NKAIN2: variants seen among roughly 807,000 people sequenced by gnomAD.
NKAIN2 encodes sodium/potassium transporting ATPase interacting 2, also known as sodium/potassium-transporting ATPase subunit beta-1-interacting protein 2.
In NKAIN2, 14 loss-of-function variants were observed where a neutral mutation model predicts 32.6. That is an observed-to-expected ratio of 0.43 (90% CI 0.28 to 0.67). The LOEUF (loss-of-function observed/expected upper bound fraction) is 0.67. Ranked by LOEUF, NKAIN2 falls within the 30% of genes least tolerant of loss-of-function variation. The probability of loss-of-function intolerance (pLI) is 0.17; values close to 1 mark genes in which losing one functional copy is unlikely to be tolerated. For missense variants in NKAIN2, 198 were observed against 258.3 expected (o/e 0.77, Z 1.60); for synonymous variants, 80 against 87.2 (o/e 0.92, Z 0.46).
intron 4 of NKAIN2, among the ~76,000 whole-genome samples, chr6:124,751,161 A>C (rs907846792): frequency 3.3e-5 from 5 of 152,040 alleles, no homozygotes; most frequent in Non-Finnish European, 7.4e-5. Context: ...GGAGCAAGGC[A>C]CCTAATGACG....
intron 1 of NKAIN2, among the ~76,000 whole-genome samples, chr6:123,816,317 C>T (rs940033081): frequency 6.6e-6 from 1 of 151,954 alleles, no homozygotes; most frequent in East Asian, 1.9e-4. Context: ...GTCTATAGGT[C>T]TCTGTAGATG....
chr6:124,795,448 CAG>C (rs1274092828), intron 5 of NKAIN2, among the ~76,000 whole-genome samples: 1 of 152,124 alleles, frequency 6.6e-6, no homozygotes, highest in Non-Finnish European at 1.5e-5. Context: ...ATCATTGAAA[CAG>C]AGAGTTAGGC....
Position 124,783,795 on chromosome 6 carries a change from A to G in NKAIN2, c.475-7544A>G, listed in dbSNP as rs1164503481. Among the ~76,000 whole-genome samples the G allele has an allele frequency of 2.6e-5, 4 of 152,230 alleles. No individual in the cohort carries two copies. In the South Asian group the frequency reaches 6.2e-4, roughly 24 times the overall value. ...AGATGGAATAAGATGAAAAAGAGCA[A>G]GTAAAAATCATCTGCAACTTAAAAT... On this transcript the variant is annotated intron_variant, in intron 4 of 6. Transcript: ENST00000368417.
At chr6:123,900,203 G>A (rs1274281963) in intron 1 of NKAIN2, among the ~76,000 whole-genome samples, 1 of 152,128 alleles carries the variant, frequency 6.6e-6, no homozygotes, top group Non-Finnish European at 1.5e-5. Context: ...TGGATGCGGT[G>A]GCTCATGTCT....
At chr6:124,773,916 T>C (rs1340068038) in intron 4 of NKAIN2, among the ~76,000 whole-genome samples, 1 of 152,072 alleles carries the variant, frequency 6.6e-6, no homozygotes, top group Non-Finnish European at 1.5e-5. Context: ...TTTCAAGTAA[T>C]AACAAGGAAG....
At chr6:124,670,244 GA>G (rs1447759261) in intron 4 of NKAIN2, among the ~76,000 whole-genome samples, 9 of 151,966 alleles carry the variant, frequency 5.9e-5, no homozygotes, top group Non-Finnish European at 8.8e-5. Context: ...CTATTCTCCA[GA>G]ATCTTGTTGA....
intron 1 of NKAIN2, among the ~76,000 whole-genome samples, chr6:123,846,867 A>C (rs189358573): frequency 1.7e-3 from 249 of 148,136 alleles, no homozygotes; most frequent in African/African-American, 5.6e-3. Flanking sequence ...CACACATAAC[A>C]CATGTCTCTT....
At chr6:123,919,255 A>G (rs1775635190) in intron 1 of NKAIN2, among the ~76,000 whole-genome samples, 1 of 152,220 alleles carries the variant, frequency 6.6e-6, no homozygotes, top group South Asian at 2.1e-4. Context: ...GCAGGATGTG[A>G]AAAGCAAGTG....
At chr6:123,852,932 A>T (rs1403310559) in intron 1 of NKAIN2, among the ~76,000 whole-genome samples, 1 of 152,212 alleles carries the variant, frequency 6.6e-6, no homozygotes, top group African/African-American at 2.4e-5. Context: ...ATGTGCTATT[A>T]TGTGGCATTA....
Position 124,166,087 on chromosome 6 carries a change from G to C in NKAIN2, c.55-116918G>C, listed in dbSNP as rs1174746459. ...TCTAGTTCTAGATCCCTGAGGAATC[G>C]CCACACTGACTTCCACAATGGTTGA... On this transcript the variant is annotated intron_variant, in intron 1 of 6. Coordinates refer to ENST00000368417, the MANE Select transcript of NKAIN2 (RefSeq NM_001040214.3). 3.4e-5 allele frequency among the ~76,000 whole-genome samples: 4 copies of C among 117,428 alleles called. No individual in the cohort carries two copies. In the Admixed American group the frequency reaches 3.6e-4, roughly 11 times the overall value. The allele number at this position is 117,428 out of a possible 152,430, so 77.0% of individuals were successfully genotyped here.
chr6:124,016,714 T>C (rs1780588983), intron 1 of NKAIN2, among the ~76,000 whole-genome samples: 1 of 152,170 alleles, frequency 6.6e-6, no homozygotes, highest in Non-Finnish European at 1.5e-5. Flanking sequence ...TAGTTTTAAA[T>C]CCTTCATAAA....
intron 3 of NKAIN2, among the ~76,000 whole-genome samples, chr6:124,614,040 C>G (rs185519334): frequency 6.6e-6 from 1 of 152,282 alleles, no homozygotes; most frequent in Admixed American, 6.5e-5. Context: ...TCCTACACCT[C>G]AAGAATTCAT....
At chr6:124,490,272 C>T in intron 3 of NKAIN2, 1 of 387,268 alleles carries the variant, frequency 2.6e-6, no homozygotes, top group Non-Finnish European at 5.0e-6. Flanking sequence ...GTTATCACCA[C>T]CAATTACAGA....
At chr6:124,689,490 T>C (rs961770131) in intron 4 of NKAIN2, among the ~76,000 whole-genome samples, 1 of 152,140 alleles carries the variant, frequency 6.6e-6, no homozygotes, top group Admixed American at 6.6e-5. Flanking sequence ...ATTCTTTCTT[T>C]CATAGATTGT....
intron 3 of NKAIN2, among the ~76,000 whole-genome samples, chr6:124,436,914 C>T (rs1436449089): frequency 6.6e-6 from 1 of 152,148 alleles, no homozygotes; most frequent in Non-Finnish European, 1.5e-5. Context: ...GGAGCTGCCT[C>T]CTCTCCCCAT....
At chr6:124,037,820 G>A (rs946504109) in intron 1 of NKAIN2, among the ~76,000 whole-genome samples, 5 of 152,106 alleles carry the variant, frequency 3.3e-5, no homozygotes, top group African/African-American at 1.2e-4. Flanking sequence ...AAATTCCATA[G>A]AATGATGGGA....
At chr6:124,053,453 G>T (rs1375568857) in intron 1 of NKAIN2, among the ~76,000 whole-genome samples, 1 of 151,994 alleles carries the variant, frequency 6.6e-6, no homozygotes, top group Admixed American at 6.6e-5. Context: ...TTAAACCTCG[G>T]CAACAGGCTG....
intron 1 of NKAIN2, among the ~76,000 whole-genome samples, chr6:124,006,998 G>T (rs1780105043): frequency 6.6e-6 from 1 of 152,126 alleles, no homozygotes. Context: ...TCTGAGAAAT[G>T]CATCCTTAAG....
intron 1 of NKAIN2, among the ~76,000 whole-genome samples, chr6:124,040,906 G>C (rs1015348034): frequency 6.6e-6 from 1 of 152,024 alleles, no homozygotes; most frequent in East Asian, 1.9e-4. Context: ...CTCTGTCCTA[G>C]TTCATAGAGT....
Sources: allele counts gnomAD v4.1 joint callset (sites outside exome capture counted in the v4.1 genomes callset), GRCh38; gene constraint gnomAD v4.1.1; transcripts MANE v1.5; gene names NCBI Gene and HGNC (gene_info 2026-07-23, HGNC 2026-07-21).